HS3ST5: variants seen among roughly 807,000 people sequenced by gnomAD.
HS3ST5 encodes heparan sulfate-glucosamine 3-sulfotransferase 5, also known as heparan sulfate glucosamine 3-O-sulfotransferase 5.
HS3ST5 carries 10 observed loss-of-function variants against 25.4 expected under a neutral mutation model. The observed-to-expected ratio is 0.39, with a 90% CI of 0.24 to 0.67. HS3ST5 has a LOEUF of 0.67. Ranked by LOEUF, HS3ST5 falls within the 30% of genes least tolerant of loss-of-function variation. The probability of loss-of-function intolerance (pLI) is 0.44; values close to 1 mark genes in which losing one functional copy is unlikely to be tolerated. For missense variants in HS3ST5, 324 were observed against 420.7 expected (o/e 0.77, Z 2.01); for synonymous variants, 170 against 162.4 (o/e 1.05, Z -0.36).
At chr6:114,321,787 G>A (rs1418557708) in intron 1 of HS3ST5, among the ~76,000 whole-genome samples, 3 of 151,942 alleles carry the variant, frequency 2.0e-5, no homozygotes, top group Non-Finnish European at 4.4e-5. Context: ...TCTGTGTCTG[G>A]CATTTGACTG....
At chr6:114,312,453 G>A (rs901719952) in intron 1 of HS3ST5, among the ~76,000 whole-genome samples, 1 of 152,026 alleles carries the variant, frequency 6.6e-6, no homozygotes, top group Non-Finnish European at 1.5e-5. Flanking sequence ...CAAGACACAA[G>A]AGAAGATCCT....
chr6:114,165,274 G>A (rs974143958), intron 3 of HS3ST5, among the ~76,000 whole-genome samples: 7 of 152,150 alleles, frequency 4.6e-5, no homozygotes, highest in African/African-American at 9.7e-5. Context: ...ACATGTAAGG[G>A]TAACTGCCAC....
rs369373788 is a variant in HS3ST5 at position 114,245,541 on chromosome 6, G to A, written c.-338-16763C>T. ...TAGACAACAACAGGACAACCAAGCAGAAGTGGTTTGGGGAGCTGGTGTGGG... is the reference window on the plus strand; with the variant it reads ...TAGACAACAACAGGACAACCAAGCAAAAGTGGTTTGGGGAGCTGGTGTGGG... On this transcript the variant is annotated intron_variant, in intron 1 of 4. Transcript: ENST00000312719. 1.8e-4 allele frequency among the ~76,000 whole-genome samples: 28 copies of A among 152,168 alleles called. No individual in the cohort carries two copies. In the South Asian group the frequency reaches 3.5e-3, roughly 19 times the overall value.
chr6:114,256,164 A>G (rs1029366201), intron 1 of HS3ST5, among the ~76,000 whole-genome samples: 5 of 152,252 alleles, frequency 3.3e-5, no homozygotes, highest in East Asian at 3.9e-4. Flanking sequence ...CAAGGTGGGC[A>G]GATCACAAGG....
intron 3 of HS3ST5, among the ~76,000 whole-genome samples, chr6:114,133,942 A>T (rs553223700): frequency 2.6e-4 from 39 of 152,170 alleles, no homozygotes; most frequent in African/African-American, 8.9e-4. Flanking sequence ...CTGGGATGTG[A>T]TAGACACCAC....
chr6:114,173,291 T>C (rs926866097), intron 2 of HS3ST5, among the ~76,000 whole-genome samples: 2 of 152,236 alleles, frequency 1.3e-5, no homozygotes, highest in African/African-American at 2.4e-5. Context: ...TTTGCACTTC[T>C]TATGGCAGGC....
chr6:114,070,305 G>A (rs1003525049), intron 3 of HS3ST5, among the ~76,000 whole-genome samples: 1 of 151,242 alleles, frequency 6.6e-6, no homozygotes, highest in African/African-American at 2.4e-5. Context: ...GAGGAGAAAT[G>A]TTTCCATAAA....
chr6:114,187,520 A>G (rs369266613), intron 2 of HS3ST5, among the ~76,000 whole-genome samples: 4 of 152,228 alleles, frequency 2.6e-5, no homozygotes, highest in South Asian at 2.1e-4. Flanking sequence ...ATGCAATTTC[A>G]TGATCAAACT....
At chr6:114,307,621 T>A (rs1775352488) in intron 1 of HS3ST5, among the ~76,000 whole-genome samples, 1 of 152,116 alleles carries the variant, frequency 6.6e-6, no homozygotes, top group South Asian at 2.1e-4. Context: ...TATTTTGACT[T>A]ATCTCTTTGT....
At chr6:114,274,095 A>G (rs976294813) in intron 1 of HS3ST5, among the ~76,000 whole-genome samples, 6 of 152,048 alleles carry the variant, frequency 3.9e-5, no homozygotes, top group Non-Finnish European at 5.9e-5. Flanking sequence ...TAGTGACAAC[A>G]TGGTGGCCTC....
At chr6:114,291,606 C>T (rs556012994) in intron 1 of HS3ST5, among the ~76,000 whole-genome samples, 14 of 152,072 alleles carry the variant, frequency 9.2e-5, no homozygotes, top group Non-Finnish European at 1.9e-4. Context: ...TTTGTAATGT[C>T]TAGACAGGAT....
At chr6:114,188,723 A>G (rs2114283165) in intron 2 of HS3ST5, among the ~76,000 whole-genome samples, 1 of 152,180 alleles carries the variant, frequency 6.6e-6, no homozygotes, top group South Asian at 2.1e-4. Context: ...GTTCTTTTTC[A>G]CACTCTCCCT....
chr6:114,100,573 T>A (rs1775674605), intron 3 of HS3ST5, among the ~76,000 whole-genome samples: 1 of 152,174 alleles, frequency 6.6e-6, no homozygotes, highest in Admixed American at 6.6e-5. Context: ...GGCAGGCCAT[T>A]TGCCGTTAAC....
At chr6:114,215,949 G>A (rs151268911) in intron 2 of HS3ST5, among the ~76,000 whole-genome samples, 36 of 152,136 alleles carry the variant, frequency 2.4e-4, no homozygotes, top group Middle Eastern at 3.4e-3. Flanking sequence ...CTAAAGGAGC[G>A]GACTCTTTAA....
chr6:114,101,998 T>C (rs886531703), intron 3 of HS3ST5, among the ~76,000 whole-genome samples: 2 of 152,076 alleles, frequency 1.3e-5, no homozygotes, highest in African/African-American at 2.4e-5. Flanking sequence ...TAGCTAAACA[T>C]TGAGTGCACT....
At chr6:114,254,894 G>T (rs1344350717) in intron 1 of HS3ST5, among the ~76,000 whole-genome samples, 1 of 152,076 alleles carries the variant, frequency 6.6e-6, no homozygotes, top group Non-Finnish European at 1.5e-5. Context: ...ATGAGATTTG[G>T]GTAGGGACAC....
At chr6:114,277,457 G>T (rs1773911932) in intron 1 of HS3ST5, among the ~76,000 whole-genome samples, 1 of 141,612 alleles carries the variant, frequency 7.1e-6, no homozygotes, top group Non-Finnish European at 1.6e-5. Context: ...AATTACTTTT[G>T]CACCAACCTA....
At chr6:114,290,732 C>G (rs1774539498) in intron 1 of HS3ST5, among the ~76,000 whole-genome samples, 1 of 151,980 alleles carries the variant, frequency 6.6e-6, no homozygotes, top group African/African-American at 2.4e-5. Context: ...AAAATTACAA[C>G]TTGACAATTA....
At chr6:114,107,162 G>A (rs1335518227) in intron 3 of HS3ST5, among the ~76,000 whole-genome samples, 1 of 151,990 alleles carries the variant, frequency 6.6e-6, no homozygotes, top group Non-Finnish European at 1.5e-5. Context: ...AACTTTTTGA[G>A]AAGAAAAATA....
Sources: gnomAD v4.1 joint callset for allele counts (sites outside exome capture counted in the v4.1 genomes callset) on GRCh38, gnomAD v4.1.1 for gene constraint, MANE v1.5 for transcripts, NCBI Gene and HGNC (gene_info 2026-07-23, HGNC 2026-07-21) for gene names.